The following ESYT2 variants were observed in gnomAD, a reference collection of about 807,000 sequenced individuals.
ESYT2 encodes the protein extended synaptotagmin-2.
A neutral mutation model predicts 107.2 loss-of-function variants in ESYT2; 54 were observed. That is an observed-to-expected ratio of 0.50 (90% CI 0.40 to 0.63). The LOEUF (loss-of-function observed/expected upper bound fraction) is 0.63, where lower values mean the gene tolerates loss of function less well. ESYT2 is among the 30% of genes least tolerant of loss of function. The pLI, the probability that ESYT2 is intolerant of heterozygous loss-of-function variation, is 0.00. For synonymous variants in ESYT2, 491 were observed against 434.1 expected, an observed-to-expected ratio of 1.13 and a Z score of -1.63; for missense variants, 1,020 against 1,094.5, an observed-to-expected ratio of 0.93 and a Z score of 0.96.
intron 7 of ESYT2, among the ~76,000 whole-genome samples, chr7:158,771,171 G>A (rs1050856827): frequency 2.0e-5 from 3 of 152,140 alleles, no homozygotes; most frequent in Admixed American, 6.5e-5. Flanking sequence ...TAGGCTTGCC[G>A]GGGCAGAACA....
chr7:158,762,095 G>C (rs534598477), intron 10 of ESYT2, among the ~76,000 whole-genome samples: 1 of 152,106 alleles, frequency 6.6e-6, no homozygotes, highest in South Asian at 2.1e-4. Context: ...GCATCTGAGA[G>C]GAGGCCCATT....
intron 3 of ESYT2, 110 bp from the exon 4 acceptor site, chr7:158,793,836 A>G: frequency 1.1e-6 from 1 of 872,166 alleles, no homozygotes; most frequent in Non-Finnish European, 1.8e-6. Context: ...AGACTACAAC[A>G]GGAATTAAAA....
chr7:158,783,231 C>T (rs545261667), intron 6 of ESYT2, among the ~76,000 whole-genome samples: 2 of 152,270 alleles, frequency 1.3e-5, no homozygotes, highest in African/African-American at 4.8e-5. Flanking sequence ...TGGAATGACA[C>T]AGATGTATCC....
chr7:158,803,741 G>A (rs1839714275), intron 1 of ESYT2, among the ~76,000 whole-genome samples: 1 of 152,132 alleles, frequency 6.6e-6, no homozygotes, highest in Non-Finnish European at 1.5e-5. Context: ...GGGGACTGCT[G>A]AGAAAGGTGA....
chr7:158,748,254 C>A lies in ESYT2; in HGVS notation c.1584G>T (p.Val528=). 6.2e-7 allele frequency: 1 copy of A among 1,614,164 alleles called. No homozygotes were observed. The highest frequency in any genetic ancestry group is 8.5e-7 in the Non-Finnish European group (1 of 1,180,010). Residue 528 remains valine, a synonymous_variant, in exon 16 of 23, where the codon GTG becomes GTT. Coordinates refer to ENST00000275418, the MANE Select transcript of ESYT2 (RefSeq NM_001367773.1). ...SKIRYKTNEP[V]WEENFTFFIH... ...TGAAGAAAGTGAAGTTTTCCTCCCACACAGGTTCATTGGTTTTGTATCGAA... is the reference window on the plus strand; with the variant it reads ...TGAAGAAAGTGAAGTTTTCCTCCCAAACAGGTTCATTGGTTTTGTATCGAA...
At chr7:158,814,359 C>A (rs2167912) in intron 1 of ESYT2, among the ~76,000 whole-genome samples, 5 of 121,130 alleles carry the variant, frequency 4.1e-5, no homozygotes, top group South Asian at 2.8e-4. Context: ...AATAATATAC[C>A]TTACTCGTCC....
At chr7:158,782,652 G>A (rs1316235594) in intron 6 of ESYT2, among the ~76,000 whole-genome samples, 3 of 132,636 alleles carry the variant, frequency 2.3e-5, no homozygotes, top group Non-Finnish European at 3.4e-5. Context: ...GAACAAAGAA[G>A]TATTAAAGAA....
intron 1 of ESYT2, among the ~76,000 whole-genome samples, chr7:158,806,833 TC>T (rs938397260): frequency 6.6e-6 from 1 of 152,140 alleles, no homozygotes; most frequent in African/African-American, 2.4e-5. Flanking sequence ...CCTAAGACAA[TC>T]CGGTTGTTTT....
At chr7:158,738,613 C>G (rs909116755) in intron 19 of ESYT2, among the ~76,000 whole-genome samples, 22 of 140,590 alleles carry the variant, frequency 1.6e-4, no homozygotes, top group African/African-American at 6.1e-4. Flanking sequence ...CACCACCACA[C>G]GTGGCTAGTT....
intron 16 of ESYT2, among the ~76,000 whole-genome samples, chr7:158,745,454 GT>G (rs1407379811): frequency 6.6e-6 from 1 of 152,210 alleles, no homozygotes; most frequent in African/African-American, 2.4e-5. Context: ...CTGAGAACTA[GT>G]AAGGCCCCAG....
chr7:158,820,540 C>T (rs1328054306), intron 1 of ESYT2, among the ~76,000 whole-genome samples: 1 of 152,172 alleles, frequency 6.6e-6, no homozygotes, highest in Admixed American at 6.5e-5. Context: ...TATTCCCTCC[C>T]AGATCTTTGG....
At chr7:158,829,068 C>A (rs1462293941) in intron 1 of ESYT2, 21 bp downstream of exon 1, 2 of 1,566,546 alleles carry the variant, frequency 1.3e-6, no homozygotes, top group Admixed American at 1.8e-5. Flanking sequence ...GGGGTCGGGA[C>A]GGGCAGGGGT....
intron 11 of ESYT2, among the ~76,000 whole-genome samples, chr7:158,760,925 G>A (rs1303742230): frequency 6.6e-6 from 1 of 152,204 alleles, no homozygotes. Flanking sequence ...TACGAAAGCA[G>A]CAGAATTCAA....
At chr7:158,794,345 A>T (rs11970852) in intron 3 of ESYT2, among the ~76,000 whole-genome samples, 19,404 of 152,196 alleles carry the variant, frequency 0.13, 1,401 homozygotes, top group African/African-American at 0.2. Context: ...AGTAAAAAAA[A>T]TTAGCTAAGA....
chr7:158,747,621 G>A (rs546793465), intron 16 of ESYT2, among the ~76,000 whole-genome samples: 1 of 152,196 alleles, frequency 6.6e-6, no homozygotes, highest in Non-Finnish European at 1.5e-5. Context: ...AATGTGACAC[G>A]GCACAATCTC....
chr7:158,818,041 C>T (rs1447778888), intron 1 of ESYT2, among the ~76,000 whole-genome samples: 1 of 152,218 alleles, frequency 6.6e-6, no homozygotes, highest in Non-Finnish European at 1.5e-5. Context: ...CAGGAAACAA[C>T]TCCACATATA....
intron 3 of ESYT2, among the ~76,000 whole-genome samples, chr7:158,797,027 G>T (rs1338676651): frequency 1.1e-4 from 1 of 8,792 alleles, no homozygotes; most frequent in African/African-American, 2.5e-4. Context: ...CACTGCAGGC[G>T]AGAGGGCAGC....
intron 20 of ESYT2, among the ~76,000 whole-genome samples, chr7:158,736,141 C>A (rs1226313953): frequency 6.6e-6 from 1 of 150,632 alleles, no homozygotes; most frequent in Non-Finnish European, 1.5e-5. Context: ...GCTGCGGGTG[C>A]CTGCCCCAGG....
chr7:158,741,861 G>C lies in ESYT2; in HGVS notation c.1830C>G (p.Asp610Glu), dbSNP rs1269948296. Residue 610 changes from aspartate (D) to glutamate (E), a missense_variant, in exon 18 of 23, where the codon GAC becomes GAG. Asp to Glu is a conservative substitution (Grantham distance 45). Coordinates refer to ENST00000275418, the MANE Select transcript of ESYT2 (RefSeq NM_001367773.1). ...GTTTGACTTGAGCTGAGTGTTGGTG[G>C]TCTGGAGGCCTTTCTCGCTTTTCGA... ...LHLEKRERPP[D>E]HQHSAQVKRP... 6.2e-7 allele frequency: 1 copy of C among 1,610,926 alleles called. No homozygotes were observed. Among genetic ancestry groups the C allele is most frequent in the Admixed American group, 1.7e-5 (1 of 59,210 alleles).
Sources: gnomAD v4.1 joint callset for allele counts (sites outside exome capture counted in the v4.1 genomes callset) on GRCh38, gnomAD v4.1.1 for gene constraint, MANE v1.5 for transcripts, NCBI Gene and HGNC (gene_info 2026-07-23, HGNC 2026-07-21) for gene names.